Variants in LRRC37A2 observed in about 807,000 individuals in gnomAD.
The protein encoded by LRRC37A2 is leucine-rich repeat-containing protein 37A2.
A neutral mutation model predicts 68.8 loss-of-function variants in LRRC37A2; 9 were observed. The ratio of observed to expected loss-of-function variants is 0.13; its 90% CI spans 0.08 to 0.23. The LOEUF is 0.23. Ranked by LOEUF, LRRC37A2 falls within the 10% of genes least tolerant of loss-of-function variation. The pLI, the probability that LRRC37A2 is intolerant of heterozygous loss-of-function variation, is 1.00. For missense variants in LRRC37A2, 168 were observed against 950.4 expected, an observed-to-expected ratio of 0.18 and a Z score of 10.82; for synonymous variants, 63 against 367.6, an observed-to-expected ratio of 0.17 and a Z score of 9.48.
At chr17:46,386,148 G>C in the LRRC37A2 span, among the ~76,000 whole-genome samples, 7 of 121,446 alleles carry the variant, frequency 5.8e-5, no homozygotes, top group East Asian at 1.5e-3. Context: ...ACACAGGCCG[G>C]AGTGCAGTAG....
At chr17:46,917,941 TGAACACTGTAAA>T in the LRRC37A2 span, among the ~76,000 whole-genome samples, 1 of 152,228 alleles carries the variant, frequency 6.6e-6, no homozygotes, top group Non-Finnish European at 1.5e-5. Flanking sequence ...CGATGGTGCC[TGAACACTGTAAA>T]GAATATTCAC....
chr17:46,830,337 G>A, the LRRC37A2 span, among the ~76,000 whole-genome samples: 1 of 152,064 alleles, frequency 6.6e-6, no homozygotes, highest in African/African-American at 2.4e-5. Flanking sequence ...CTGCAGCCTC[G>A]ACCTCCCGGG....
At chr17:46,978,211 A>G in the LRRC37A2 span, 5 of 188,158 alleles carry the variant, frequency 2.7e-5, no homozygotes, top group South Asian at 6.6e-4. Context: ...TTCTTTCCAA[A>G]CGCAAGATCA....
the LRRC37A2 span, chr17:46,872,790 GGGGAC>G: frequency 6.5e-7 from 1 of 1,533,290 alleles, no homozygotes; most frequent in Non-Finnish European, 9.0e-7. Context: ...AGGAGGGCTA[GGGGAC>G]GGGGAGGGCT....
the LRRC37A2 span, among the ~76,000 whole-genome samples, chr17:46,981,297 A>G: frequency 7.0e-6 from 1 of 143,132 alleles, no homozygotes; most frequent in South Asian, 2.2e-4. Flanking sequence ...CTTGACCCCC[A>G]ATGTGGAGGT....
At chr17:46,765,500 T>G in the LRRC37A2 span, among the ~76,000 whole-genome samples, 1 of 152,238 alleles carries the variant, frequency 6.6e-6, no homozygotes, top group Admixed American at 6.5e-5. Flanking sequence ...AGGCGCTCTC[T>G]CCTCACCGTG....
the LRRC37A2 span, among the ~76,000 whole-genome samples, chr17:46,905,092 G>A: frequency 1.3e-4 from 19 of 150,582 alleles, no homozygotes; most frequent in African/African-American, 4.4e-4. Context: ...TTTTTTTTGA[G>A]ATGGGGTTTC....
At chr17:47,011,219 A>G in the LRRC37A2 span, among the ~76,000 whole-genome samples, 1 of 152,156 alleles carries the variant, frequency 6.6e-6, no homozygotes, top group African/African-American at 2.4e-5. Flanking sequence ...TCCCTCAGTG[A>G]CAGAAACAGC....
chr17:46,777,848 C>G, the LRRC37A2 span, among the ~76,000 whole-genome samples: 13 of 152,194 alleles, frequency 8.5e-5, no homozygotes, highest in African/African-American at 2.9e-4. Flanking sequence ...AGAACAATTC[C>G]TGAGCCTCAG....
chr17:46,917,541 T>A, the LRRC37A2 span, among the ~76,000 whole-genome samples: 2 of 152,248 alleles, frequency 1.3e-5, no homozygotes, highest in Non-Finnish European at 2.9e-5. Flanking sequence ...GCTCGGTCCA[T>A]GCAGCAGCTC....
the LRRC37A2 span, among the ~76,000 whole-genome samples, chr17:46,454,282 C>CT: frequency 2.0e-5 from 2 of 99,628 alleles, no homozygotes; most frequent in Non-Finnish European, 4.3e-5. Context: ...CCTTCATATT[C>CT]TTTGAGTTTT....
chr17:46,948,166 T>C, the LRRC37A2 span, among the ~76,000 whole-genome samples: 1 of 152,212 alleles, frequency 6.6e-6, no homozygotes, highest in Non-Finnish European at 1.5e-5. Context: ...CTGTGGAACC[T>C]TGAGCAAGCC....
the LRRC37A2 span, among the ~76,000 whole-genome samples, chr17:46,802,974 T>G: frequency 6.6e-6 from 1 of 152,162 alleles, no homozygotes; most frequent in African/African-American, 2.4e-5. Flanking sequence ...GGAGCACATG[T>G]AAAGCAGCCT....
chr17:46,942,593 G>T, the LRRC37A2 span, among the ~76,000 whole-genome samples: 1 of 152,232 alleles, frequency 6.6e-6, no homozygotes, highest in Non-Finnish European at 1.5e-5. Flanking sequence ...GAGCTATAAG[G>T]TGTTTGCTGC....
chr17:46,708,081 A>G, the LRRC37A2 span, among the ~76,000 whole-genome samples: 1 of 150,844 alleles, frequency 6.6e-6, no homozygotes, highest in Non-Finnish European at 1.5e-5. Context: ...ACATGTTGTT[A>G]TCCATTCCTC....
the LRRC37A2 span, among the ~76,000 whole-genome samples, chr17:46,984,367 C>T: frequency 0.7 from 106,008 of 151,574 alleles, 37,679 homozygotes; most frequent in Middle Eastern, 0.78. Context: ...AAGACTCCCC[C>T]GAGCCGGGCT....
At chr17:46,890,265 A>G in the LRRC37A2 span, among the ~76,000 whole-genome samples, 1 of 151,870 alleles carries the variant, frequency 6.6e-6, no homozygotes, top group Non-Finnish European at 1.5e-5. Context: ...TGGTTTCCCA[A>G]CTCTGCCTAA....
chr17:46,894,422 G>A, the LRRC37A2 span, among the ~76,000 whole-genome samples: 1 of 152,222 alleles, frequency 6.6e-6, no homozygotes, highest in Admixed American at 6.5e-5. Context: ...TACACAGAAG[G>A]TCACTGGCTG....
chr17:46,961,138 TA>T, the LRRC37A2 span, among the ~76,000 whole-genome samples: 1 of 152,126 alleles, frequency 6.6e-6, no homozygotes, highest in African/African-American at 2.4e-5. Flanking sequence ...AGGATAAAGG[TA>T]AAGATATTGA....
Sources: allele counts gnomAD v4.1 joint callset (sites outside exome capture counted in the v4.1 genomes callset), GRCh38; gene constraint gnomAD v4.1.1; transcripts MANE v1.5; gene names NCBI Gene and HGNC (gene_info 2026-07-23, HGNC 2026-07-21).